The following TSC2 variants were observed in gnomAD, a reference collection of about 807,000 sequenced individuals.
TSC2 encodes the protein tuberin.
In TSC2, 29 loss-of-function variants were observed where a neutral mutation model predicts 202.2. The observed-to-expected ratio is 0.14, with a 90% CI of 0.11 to 0.20. TSC2 has a LOEUF of 0.20. Among genes scored for constraint, TSC2 ranks in the 10% least tolerant of loss-of-function variants. TSC2 has a pLI of 1.00. For synonymous variants in TSC2, 1,349 were observed against 1,044.0 expected, an observed-to-expected ratio of 1.29 and a Z score of -5.63; for missense variants, 2,429 against 2,420.0, an observed-to-expected ratio of 1.00 and a Z score of -0.08.
At chr16:2,074,800 G>T (rs2089036226) in intron 22 of TSC2, 1 of 308,868 alleles carries the variant, frequency 3.2e-6, no homozygotes, top group Non-Finnish European at 6.3e-6. Flanking sequence ...TCAATGTTGA[G>T]ATGGCAGAAG....
intron 22 of TSC2, chr16:2,074,604 A>G: frequency 3.2e-6 from 2 of 623,610 alleles, no homozygotes; most frequent in Non-Finnish European, 5.7e-6. Flanking sequence ...GTCCATGTGA[A>G]CGCTCCTCCT....
At chr16:2,086,902 C>T (rs924681164) in intron 38 of TSC2, 31 bp downstream of exon 38, 2 of 1,558,610 alleles carry the variant, frequency 1.3e-6, no homozygotes, top group East Asian at 2.4e-5. Context: ...GAGGCTGGGC[C>T]CCAGGCAGGT....
chr16:2,074,997 C>T (rs2151368693), intron 22 of TSC2: 1 of 157,144 alleles, frequency 6.4e-6, no homozygotes, highest in East Asian at 1.8e-4. Context: ...GGGTGGATCA[C>T]CTGAGGTCAG....
rs778040604 is a variant in TSC2 at position 2,072,265 on chromosome 16, C to T, written c.2122C>T (p.Leu708=). The change falls in exon 20 of 42, where the codon CTG becomes TTG. Residue 708 remains leucine (L), a synonymous_variant. Transcript: ENST00000219476. Reference sequence around the variant, plus strand: ...GGAGTCTGACTGGAAGGTGCTGAAGCTGGTTCTGGGCAGGCTGCCTGAGTC... The same window carrying T: ...GGAGTCTGACTGGAAGGTGCTGAAGTTGGTTCTGGGCAGGCTGCCTGAGTC... ...KQESDWKVLK[L]VLGRLPESLR... The T allele has an allele frequency of 4.3e-6, 7 of 1,614,010 alleles. No individual in the cohort carries two copies. The Admixed American group carries it at 1.0e-4, about 23-fold the overall frequency.
rs547019464 is a variant in TSC2 at position 2,074,238 on chromosome 16, C to T, written c.2394C>T (p.His798=). The part of the protein sequence containing the change: ...MVYCLEQGLI[H]RCASQCVVAL... ...ACTGCCTGGAGCAGGGCCTCATCCA[C>T]CGCTGTGCCAGCCAGTGCGTCGTGG... Residue 798 remains histidine, a synonymous_variant, in exon 22 of 42, where the codon CAC becomes CAT. Transcript: ENST00000219476. The T allele has an allele frequency of 6.2e-7, 1 of 1,612,436 alleles. No individual in the cohort carries two copies. Among genetic ancestry groups the T allele is most frequent in the South Asian group, 1.1e-5 (1 of 91,052 alleles).
At position 2,060,852 on chromosome 16, in the gene TSC2, C is replaced by A. The variant is rs766790529; in HGVS notation, c.1119+39C>A. The A allele has an allele frequency of 1.3e-5, 21 of 1,609,910 alleles. No individual in the cohort carries two copies. The Admixed American group carries it at 3.3e-4, about 26-fold the overall frequency. ...AGGAGCTCCGGGGAGCACCGGGAACCCAGACAGGCAGGCTCGGCCCACTCA... is the reference window on the plus strand; with the variant it reads ...AGGAGCTCCGGGGAGCACCGGGAACACAGACAGGCAGGCTCGGCCCACTCA... On this transcript the variant is annotated intron_variant, in intron 11 of 41. Coordinates refer to ENST00000219476, the MANE Select transcript of TSC2 (RefSeq NM_000548.5).
rs772558666 is a variant in TSC2, at chr16:2,056,665, G to T, written c.670G>T (p.Ala224Ser). 1.2e-6 allele frequency: 2 copies of T among 1,611,752 alleles called. No individual in the cohort carries two copies. The highest frequency in any genetic ancestry group is 1.7e-6 in the Non-Finnish European group (2 of 1,180,010). Reference sequence around the variant, plus strand: ...CCAGGTCTCCCTGCAGGTGCTGGACGCCGTGGTCTGCTACAACTGCCTGCC... The same window carrying T: ...CCAGGTCTCCCTGCAGGTGCTGGACTCCGTGGTCTGCTACAACTGCCTGCC... ...DIEVSLQVLDAVVCYNCLPAE... is the reference protein window; with the variant it reads ...DIEVSLQVLDSVVCYNCLPAE... Residue 224 changes from alanine to serine, a missense_variant, in exon 8 of 42, where the codon GCC becomes TCC. Transcript: ENST00000219476.
At chr16:2,064,050 G>T (rs560621828) in intron 14 of TSC2, 4 of 680,970 alleles carry the variant, frequency 5.9e-6, no homozygotes, top group Admixed American at 4.5e-5. Context: ...CCGCCCTGCG[G>T]TGCTCACCAG....
Position 2,086,713 on chromosome 16 carries a change from C to A in TSC2, c.4850-19C>A, listed in dbSNP as rs45517376. Reference sequence around the variant, plus strand: ...TCAGCACTGGCCCCACAAACCCATCCGGCCCTGCTCACCCTCAGCCGTCTT... The same window carrying A: ...TCAGCACTGGCCCCACAAACCCATCAGGCCCTGCTCACCCTCAGCCGTCTT... On this transcript the variant is annotated intron_variant, in intron 37 of 41. Transcript: ENST00000219476. 6.2e-7 allele frequency: 1 copy of A among 1,608,290 alleles called. No individual in the cohort carries two copies. The highest frequency in any genetic ancestry group is 8.5e-7 in the Non-Finnish European group (1 of 1,179,890).
At chr16:2,059,611 C>T (rs2151121330) in intron 10 of TSC2, among the ~76,000 whole-genome samples, 1 of 151,860 alleles carries the variant, frequency 6.6e-6, no homozygotes, top group Non-Finnish European at 1.5e-5. Flanking sequence ...CCTCCGCCTC[C>T]CAGGTTCAAG....
In TSC2 at chr16:2,089,450, T is replaced by C. The variant is rs2091347205; in HGVS notation, c.*840T>C. On this transcript the variant is annotated 3_prime_UTR_variant, in exon 42 of 42. Transcript: ENST00000219476. The stretch of plus-strand genomic sequence containing the variant: ...GGGGCCGGGCACAGCCCGCTGTACC[T>C]GAGGACTCGGGGAAATAAATTAGCA... 2 of 527,670 alleles carry C rather than the reference T, an allele frequency of 3.8e-6. No individual in the cohort carries two copies. The highest frequency in any genetic ancestry group is 3.3e-5 in the Admixed American group (1 of 30,272). 32.7% of individuals were successfully genotyped at this position (527,670 alleles called of 1,614,324 possible). A position where few individuals can be genotyped will look rare whatever the true frequency, so the allele number is the denominator to read the frequency against.
rs45517402 is a variant in TSC2 at position 2,088,182 on chromosome 16, C to T, written c.5160+43C>T. ...CAGGCGTGAGCTGGTGGGACAGGCC[C>T]AGGTGCCACCTGATAGTGAGCTCAC... On this transcript the variant is annotated intron_variant, in intron 40 of 41. Coordinates refer to ENST00000219476, the MANE Select transcript of TSC2 (RefSeq NM_000548.5). 1.9e-6 allele frequency: 3 copies of T among 1,612,926 alleles called. No individual in the cohort carries two copies. The highest frequency in any genetic ancestry group is 2.5e-6 in the Non-Finnish European group (3 of 1,179,914).
At chr16:2,069,834 T>C (rs1406457694) in intron 16 of TSC2, among the ~76,000 whole-genome samples, 1 of 151,974 alleles carries the variant, frequency 6.6e-6, no homozygotes, top group African/African-American at 2.4e-5. Flanking sequence ...AGGCTGGTCT[T>C]GAACTCCTAA....
rs374476631 is a variant in TSC2 at position 2,087,937 on chromosome 16, G to T, written c.5064G>T (p.Arg1688Ser). ...YECNLVSLQCRKDMEGLVDTS... is the reference protein window; with the variant it reads ...YECNLVSLQCSKDMEGLVDTS... ...GCAACCTGGTGTCCCTGCAGTGCAG[G>T]AAAGGTAGGGCCGGGTGGGGCCCTG... The change falls in exon 39 of 42, where the codon AGG (arginine) becomes AGT (serine). Residue 1688 changes from arginine to serine, a missense_variant. Arg to Ser is a moderately radical substitution (Grantham distance 110). Transcript: ENST00000219476. 1 of 1,605,154 alleles carries T rather than the reference G, an allele frequency of 6.2e-7. No individual in the cohort carries two copies. Among genetic ancestry groups the T allele is most frequent in the Non-Finnish European group, 8.5e-7 (1 of 1,174,442 alleles).
intron 16 of TSC2, among the ~76,000 whole-genome samples, chr16:2,069,147 C>A (rs1012741115): frequency 6.6e-6 from 1 of 152,210 alleles, no homozygotes; most frequent in Non-Finnish European, 1.5e-5. Flanking sequence ...CTTTTCCTGC[C>A]TGCCTAGTGG....
chr16:2,063,871 C>T (rs566957027), intron 14 of TSC2: 8 of 353,322 alleles, frequency 2.3e-5, no homozygotes, highest in South Asian at 1.6e-4. Context: ...CGCATATTCA[C>T]GCATGCACAG....
In TSC2 at chr16:2,083,813, C is replaced by G. The variant is rs1060500911; in HGVS notation, c.4002C>G (p.Ser1334Arg). 6.2e-7 allele frequency: 1 copy of G among 1,610,714 alleles called. No individual in the cohort carries two copies. The highest frequency in any genetic ancestry group is 1.3e-5 in the African/African-American group (1 of 74,922). Residue 1334 changes from serine to arginine, a missense_variant, in exon 33 of 42, where the codon AGC becomes AGG. By Grantham distance (110) the Ser-to-Arg change is moderately radical. Coordinates refer to ENST00000219476, the MANE Select transcript of TSC2 (RefSeq NM_000548.5). Reference protein sequence around the residue: ...LGMDRRTDAYSRSSSVSSQEE... With the variant: ...LGMDRRTDAYRRSSSVSSQEE... ...TGGACAGGCGCACGGATGCCTACAG[C>G]AGGGTGAGTGTGGCTCAGAGCCTGG...
In TSC2 at chr16:2,061,603, C is replaced by A. The variant is rs991811714; in HGVS notation, c.1120-268C>A. ...GGGTACGGGCAGGAACAGCAGCTGC[C>A]ATCACAGCCACTGTGGCCCCTTGAG... On this transcript the variant is annotated intron_variant, in intron 11 of 41. Transcript: ENST00000219476. 5.6e-6 allele frequency: 3 copies of A among 533,442 alleles called. No individual in the cohort carries two copies. In the African/African-American group the frequency reaches 5.7e-5, roughly 10 times the overall value. 33.0% of individuals were successfully genotyped at this position (533,442 alleles called of 1,614,324 possible).
At chr16:2,048,365 T>G in intron 1 of TSC2, 1 of 866,980 alleles carries the variant, frequency 1.2e-6, no homozygotes, top group Admixed American at 2.1e-5. Flanking sequence ...GGCGGCAGCG[T>G]CTGAGTAGAG....
Sources: gnomAD v4.1 joint callset for allele counts (sites outside exome capture counted in the v4.1 genomes callset) on GRCh38, gnomAD v4.1.1 for gene constraint, MANE v1.5 for transcripts, NCBI Gene and HGNC (gene_info 2026-07-23, HGNC 2026-07-21) for gene names.